KIF21A: variants seen among roughly 807,000 people sequenced by gnomAD.
The protein encoded by KIF21A is kinesin-like protein KIF21A.
A neutral mutation model predicts 202.9 loss-of-function variants in KIF21A; 114 were observed. That is an observed-to-expected ratio of 0.56 (90% CI 0.48 to 0.66). KIF21A has a LOEUF of 0.66. Among genes scored for constraint, KIF21A ranks in the 30% least tolerant of loss-of-function variants. KIF21A has a pLI of 0.00. For synonymous variants in KIF21A, 667 were observed against 670.8 expected, an observed-to-expected ratio of 0.99 and a Z score of 0.09; for missense variants, 1,677 against 1,994.9, an observed-to-expected ratio of 0.84 and a Z score of 3.04.
At chr12:39,296,985 C>A (rs149061190) in intron 37 of KIF21A, among the ~76,000 whole-genome samples, 5 of 152,256 alleles carry the variant, frequency 3.3e-5, no homozygotes, top group African/African-American at 1.2e-4. Context: ...TATAGTAATT[C>A]AAGAGTTGAC....
At chr12:39,295,872 T>G (rs1458940099) in intron 37 of KIF21A, among the ~76,000 whole-genome samples, 1 of 151,100 alleles carries the variant, frequency 6.6e-6, no homozygotes, top group African/African-American at 2.4e-5. Flanking sequence ...TAGCTAATTT[T>G]TATTGCGTTT....
chr12:39,318,246 T>C (rs1944794765), intron 28 of KIF21A, 45 bp from the exon 29 acceptor site: 1 of 1,592,098 alleles, frequency 6.3e-7, no homozygotes, highest in East Asian at 2.3e-5. Context: ...TAATTGGTTA[T>C]GATTTGTTAG....
chr12:39,332,852 G>A lies in KIF21A; in HGVS notation c.2702+41C>T, dbSNP rs12227673. The A allele has an allele frequency of 4.5e-4, 725 of 1,607,666 alleles. 9 individuals carry two copies. The East Asian group carries it at 0.013, about 28-fold the overall frequency. ...TTTAAGTACAACATTCAGTATTAAC[G>A]GCCAAGAAGATTACATCAGCAGGAA... On this transcript the variant is annotated intron_variant, in intron 19 of 37. Transcript: ENST00000361418.
intron 11 of KIF21A, among the ~76,000 whole-genome samples, chr12:39,350,865 T>C (rs539516705): frequency 6.6e-6 from 1 of 152,162 alleles, no homozygotes; most frequent in South Asian, 2.1e-4. Flanking sequence ...AAATACATTT[T>C]TAAATAAACT....
intron 1 of KIF21A, among the ~76,000 whole-genome samples, chr12:39,375,698 A>G (rs1950228869): frequency 1.3e-5 from 2 of 152,168 alleles, no homozygotes; most frequent in Admixed American, 6.5e-5. Context: ...TTAGTCTCCA[A>G]TCGGGAGTTT....
chr12:39,352,028 T>C (rs754581670), intron 10 of KIF21A, 48 bp from the exon 11 acceptor site: 61 of 1,259,828 alleles, frequency 4.8e-5, no homozygotes, highest in Non-Finnish European at 7.0e-5. Context: ...TCTCTGTGGA[T>C]AAAAATACAT....
chr12:39,409,798 C>T (rs928243730), intron 1 of KIF21A, among the ~76,000 whole-genome samples: 4 of 150,316 alleles, frequency 2.7e-5, no homozygotes, highest in African/African-American at 2.5e-5. Flanking sequence ...GACAAGGCAA[C>T]GTGAATCTGG....
chr12:39,442,316 G>A lies in KIF21A; in HGVS notation c.44+611C>T, dbSNP rs1045146014. ...ATTCCACTCCCATTCCAACACCCAA[G>A]AGGCTAGATCTGTCTCCTCTACCCA... On this transcript the variant is annotated intron_variant, in intron 1 of 37. Transcript: ENST00000361418. This position sits in a 1 kb window ranked among gnomAD's most constrained non-coding sequence, Gnocchi z 5.0. Among the ~76,000 whole-genome samples the A allele has an allele frequency of 2.6e-5, 4 of 152,044 alleles. No individual in the cohort carries two copies. Among genetic ancestry groups the A allele is most frequent in the African/African-American group, 9.7e-5 (4 of 41,388 alleles).
chr12:39,302,402 T>C (rs1943047530), intron 36 of KIF21A, among the ~76,000 whole-genome samples: 1 of 152,098 alleles, frequency 6.6e-6, no homozygotes, highest in African/African-American at 2.4e-5. Context: ...CCCACACATA[T>C]ATATAAGGAA....
At chr12:39,304,982 A>G (rs1423171575) in intron 34 of KIF21A, 44 bp from the exon 35 acceptor site, 3 of 917,088 alleles carry the variant, frequency 3.3e-6, no homozygotes, top group Non-Finnish European at 5.3e-6. Flanking sequence ...ATTATTTCTT[A>G]GTATGATGGG....
intron 1 of KIF21A, among the ~76,000 whole-genome samples, chr12:39,402,440 A>G (rs1952235699): frequency 6.6e-6 from 1 of 152,238 alleles, no homozygotes; most frequent in Non-Finnish European, 1.5e-5. Flanking sequence ...GCTTATGCCT[A>G]TAATTCCAAC....
rs1326193641 is a variant in KIF21A at position 39,337,106 on chromosome 12, C to T, written c.2408G>A (p.Arg803His). 6.9e-6 allele frequency: 11 copies of T among 1,596,790 alleles called. No homozygotes were observed. The highest frequency in any genetic ancestry group is 1.3e-5 in the African/African-American group (1 of 74,686). The change falls in exon 17 of 38, where the codon CGT (arginine) becomes CAT (histidine). Residue 803 changes from arginine (R) to histidine (H), a missense_variant. Arg to His is a conservative substitution (Grantham distance 29, BLOSUM62 0). Coordinates refer to ENST00000361418, the MANE Select transcript of KIF21A (RefSeq NM_001173464.2). ...TTAAAATCCACTTACATCTCTTTTA[C>T]GTTGATCCTTTTTCAACTGAGCAAT... ...REIAQLKKDQRKRDHQLRLLE... is the reference protein window; with the variant it reads ...REIAQLKKDQHKRDHQLRLLE...
At chr12:39,391,781 C>T (rs1951371464) in intron 1 of KIF21A, among the ~76,000 whole-genome samples, 1 of 152,006 alleles carries the variant, frequency 6.6e-6, no homozygotes, top group African/African-American at 2.4e-5. Context: ...GCTCTGTCAC[C>T]CAGGCTGGAG....
At chr12:39,420,749 A>C (rs1406859397) in intron 1 of KIF21A, among the ~76,000 whole-genome samples, 2 of 151,366 alleles carry the variant, frequency 1.3e-5, no homozygotes, top group Non-Finnish European at 2.9e-5. Flanking sequence ...GCTAAAAGTA[A>C]GTTGAAAGTA....
rs1054693282 is a variant in KIF21A at position 39,306,928 on chromosome 12, A to G, written c.4442+637T>C. Among the ~76,000 whole-genome samples the G allele has an allele frequency of 3.3e-5, 5 of 152,216 alleles. No individual in the cohort carries two copies. In the East Asian group the frequency reaches 9.6e-4, roughly 29 times the overall value. ...ATAAATATTTGTTAACTAATAAGTGAATGTTTCCTTGCTGCCAAAATTTTA... is the reference window on the plus strand; with the variant it reads ...ATAAATATTTGTTAACTAATAAGTGGATGTTTCCTTGCTGCCAAAATTTTA... On this transcript the variant is annotated intron_variant, in intron 34 of 37. Transcript: ENST00000361418.
chr12:39,387,911 T>C (rs1338447416), intron 1 of KIF21A, among the ~76,000 whole-genome samples: 2 of 152,146 alleles, frequency 1.3e-5, no homozygotes, highest in African/African-American at 4.8e-5. Context: ...TCCACAGTAA[T>C]AGGGGTCTTA....
chr12:39,397,478 T>C (rs1951843330), intron 1 of KIF21A, among the ~76,000 whole-genome samples: 1 of 152,068 alleles, frequency 6.6e-6, no homozygotes, highest in Non-Finnish European at 1.5e-5. Flanking sequence ...TCTATTTTTT[T>C]CCACAGTACT....
chr12:39,427,406 C>T (rs148519461), intron 1 of KIF21A, among the ~76,000 whole-genome samples: 1 of 152,228 alleles, frequency 6.6e-6, no homozygotes, highest in African/African-American at 2.4e-5. Context: ...CTACTTTACA[C>T]ACAAAAGGAC....
rs759553232 is a variant in KIF21A at position 39,303,078 on chromosome 12, G to C, written c.4618C>G (p.Pro1540Ala). The C allele has an allele frequency of 2.5e-6, 4 of 1,613,928 alleles. No homozygotes were observed. Among genetic ancestry groups the C allele is most frequent in the South Asian group, 1.1e-5 (1 of 91,082 alleles). ...GTVSPTHNFE[P>A]PHYDGIEALT... ...GCTTCTATGCCATCATAATGAGGGG[G>C]TTCAAAATTGTGGGTGGGACTCACA... Residue 1540 changes from proline to alanine, a missense_variant, in exon 36 of 38, where the codon CCC (proline) becomes GCC (alanine). Physicochemically the swap from Pro to Ala is conservative, Grantham distance 27. Transcript: ENST00000361418.
Sources: allele counts gnomAD v4.1 joint callset (sites outside exome capture counted in the v4.1 genomes callset), GRCh38; gene constraint gnomAD v4.1.1; non-coding constraint Gnocchi (gnomAD v3.1); transcripts MANE v1.5; gene names NCBI Gene and HGNC (gene_info 2026-07-23, HGNC 2026-07-21).